The following SSR1 variants were observed in gnomAD, a reference collection of about 807,000 sequenced individuals.
SSR1 encodes the protein signal sequence receptor subunit 1, also known as translocon-associated protein subunit alpha.
In SSR1, 13 loss-of-function variants were observed where a neutral mutation model predicts 36.1. That is an observed-to-expected ratio of 0.36 (90% CI 0.23 to 0.57). SSR1 has a LOEUF of 0.57. Ranked by LOEUF, SSR1 falls within the 20% of genes least tolerant of loss-of-function variation. The pLI is 0.81. For synonymous variants in SSR1, 113 were observed against 118.9 expected (o/e 0.95, Z 0.32); for missense variants, 291 against 338.5 (o/e 0.86, Z 1.10).
At chr6:7,292,732 G>GCC (rs1554132732) in intron 7 of SSR1, among the ~76,000 whole-genome samples, 38 of 151,714 alleles carry the variant, frequency 2.5e-4, no homozygotes, top group Non-Finnish European at 2.9e-5. Context: ...CTTTAAAGTG[G>GCC]CTCTTTGACC....
intron 7 of SSR1, among the ~76,000 whole-genome samples, chr6:7,291,230 C>T (rs1199868581): frequency 6.6e-6 from 1 of 152,016 alleles, no homozygotes; most frequent in Non-Finnish European, 1.5e-5. Context: ...GAAATCCCAT[C>T]TCTACTAAAC....
In SSR1 at chr6:7,288,868, G is replaced by A. The variant is rs1266788473; in HGVS notation, c.*996C>T. On this transcript the variant is annotated 3_prime_UTR_variant, in exon 8 of 8. Transcript: ENST00000244763. ...ACAAGCAAAACTCCCAAAAGATTAG[G>A]TAAGAAAAAATTAGTTAACTGCTTT... 2.0e-5 allele frequency: 3 copies of A among 152,176 alleles called. No homozygotes were observed. The highest frequency in any genetic ancestry group is 4.4e-5 in the Non-Finnish European group (3 of 68,010). The allele number at this position is 152,176 out of a possible 1,614,324, so 9.4% of individuals were successfully genotyped here.
chr6:7,290,248 A>G (rs1021183863), intron 7 of SSR1, among the ~76,000 whole-genome samples: 8 of 152,264 alleles, frequency 5.3e-5, no homozygotes, highest in African/African-American at 1.7e-4. Context: ...TTATACATGC[A>G]TAAGTAAACG....
At chr6:7,294,602 A>G (rs1035983093) in intron 7 of SSR1, among the ~76,000 whole-genome samples, 2 of 152,156 alleles carry the variant, frequency 1.3e-5, no homozygotes, top group African/African-American at 4.8e-5. Flanking sequence ...GAGGCAGGAG[A>G]ATCACTCGAA....
chr6:7,294,312 A>T (rs916624678), intron 7 of SSR1, among the ~76,000 whole-genome samples: 8 of 152,224 alleles, frequency 5.3e-5, no homozygotes, highest in Non-Finnish European at 1.0e-4. Context: ...TGCAATCTGA[A>T]CTAAATACTC....
chr6:7,289,543 G>A lies in SSR1; in HGVS notation c.*321C>T, dbSNP rs1757632203. ...AAAATCAGAAAATGTCAAAAAGGAA[G>A]AGACAACAGCATTATATTTAGTATT... On this transcript the variant is annotated 3_prime_UTR_variant, in exon 8 of 8. Coordinates refer to ENST00000244763, the MANE Select transcript of SSR1 (RefSeq NM_003144.5). The A allele has an allele frequency of 7.1e-6, 2 of 282,776 alleles. No homozygotes were observed. The highest frequency in any genetic ancestry group is 1.3e-5 in the Non-Finnish European group (2 of 153,012). The allele number at this position is 282,776 out of a possible 1,614,324, so 17.5% of individuals were successfully genotyped here. A position where few individuals can be genotyped will look rare whatever the true frequency, so the allele number is the denominator to read the frequency against.
In SSR1 at chr6:7,288,267, G is replaced by A. The variant is rs1002873201; in HGVS notation, c.*1597C>T. ...ACAAAAAACCATGCAGTTACTTAGA[G>A]CTCATAGAGCTTTCTCAAAATCAAC... is the stretch of plus-strand genomic sequence containing the variant. On this transcript the variant is annotated 3_prime_UTR_variant, in exon 8 of 8. Transcript: ENST00000244763. 1.3e-5 allele frequency: 2 copies of A among 152,170 alleles called. No homozygotes were observed. Among genetic ancestry groups the A allele is most frequent in the African/African-American group, 4.8e-5 (2 of 41,448 alleles). The allele number at this position is 152,170 out of a possible 1,614,324, so 9.4% of individuals were successfully genotyped here.
intron 2 of SSR1, among the ~76,000 whole-genome samples, chr6:7,306,699 G>T (rs900038305): frequency 2.6e-5 from 4 of 151,152 alleles, no homozygotes; most frequent in African/African-American, 9.7e-5. Context: ...GGCGGATCAC[G>T]AGGTCAGGAG....
chr6:7,286,028 G>A lies in SSR1; in HGVS notation c.*3836C>T, dbSNP rs942680414. 1 of 152,172 alleles carries A rather than the reference G, an allele frequency of 6.6e-6. No individual in the cohort carries two copies. The highest frequency in any genetic ancestry group is 6.5e-5 in the Admixed American group (1 of 15,274). The allele number at this position is 152,172 out of a possible 1,614,324, so 9.4% of individuals were successfully genotyped here. A position where few individuals can be genotyped will look rare whatever the true frequency, so the allele number is the denominator to read the frequency against. ...TTCCATATTCAATATGGAACCTTGA[G>A]CAAGCTACTTAAATTCAGGTTTTGT... On this transcript the variant is annotated 3_prime_UTR_variant, in exon 8 of 8. Coordinates refer to ENST00000244763, the MANE Select transcript of SSR1 (RefSeq NM_003144.5).
intron 1 of SSR1, 42 bp downstream of exon 1, chr6:7,313,000 C>G: frequency 6.4e-7 from 1 of 1,559,150 alleles, no homozygotes; most frequent in Non-Finnish European, 8.7e-7. Flanking sequence ...TCACTGGCAT[C>G]TCCTTCCTGG....
chr6:7,307,152 G>C (rs1758086655), intron 2 of SSR1, among the ~76,000 whole-genome samples: 1 of 152,112 alleles, frequency 6.6e-6, no homozygotes, highest in Non-Finnish European at 1.5e-5. Context: ...TAAATCTTGG[G>C]AACAGCAGCA....
intron 6 of SSR1, among the ~76,000 whole-genome samples, chr6:7,296,479 A>C (rs2326899): frequency 0.37 from 56,314 of 152,090 alleles, 10,513 homozygotes; most frequent in South Asian, 0.45. Context: ...AATAACATTC[A>C]TTGTTAATTT....
rs1408643592 is a variant in SSR1 at position 7,301,586 on chromosome 6, T to A, written c.281-14A>T. On this transcript the variant is annotated splice_polypyrimidine_tract_variant and intron_variant, in intron 3 of 7. Coordinates refer to ENST00000244763, the MANE Select transcript of SSR1 (RefSeq NM_003144.5). The stretch of plus-strand genomic sequence containing the variant: ...TTGCTGGAAAATCTGAGAAACAAAA[T>A]AGAGACAAAAAAATTAGAACACATG... 3 of 1,594,020 alleles carry A rather than the reference T, an allele frequency of 1.9e-6. No individual in the cohort carries two copies. Among genetic ancestry groups the A allele is most frequent in the African/African-American group, 1.4e-5 (1 of 73,796 alleles).
intron 6 of SSR1, 123 bp downstream of exon 6, chr6:7,297,800 G>C: frequency 1.6e-6 from 1 of 628,888 alleles, no homozygotes; most frequent in Admixed American, 3.0e-5. Context: ...TTTTAAAAAG[G>C]TACAACAAAG....
chr6:7,306,012 G>T (rs115345122), intron 2 of SSR1, among the ~76,000 whole-genome samples: 1 of 152,238 alleles, frequency 6.6e-6, no homozygotes. Flanking sequence ...GAAACTGGTG[G>T]TACTGCTTGC....
intron 7 of SSR1, among the ~76,000 whole-genome samples, chr6:7,292,020 G>A (rs1757695982): frequency 2.0e-5 from 3 of 152,226 alleles, no homozygotes; most frequent in Admixed American, 2.0e-4. Context: ...AGTGAGCCAT[G>A]ATCACGTAAC....
chr6:7,303,136 C>T (rs1201515490), intron 3 of SSR1, among the ~76,000 whole-genome samples: 4 of 25,878 alleles, frequency 1.5e-4, no homozygotes, highest in Admixed American at 5.1e-4. Context: ...GAGACTACAT[C>T]TTAAAAAAAA....
In SSR1 at chr6:7,282,787, C is replaced by G. The variant is rs1009057768; in HGVS notation, c.*7077G>C. Reference sequence around the variant, plus strand: ...CCACAGTGGAGGGACAAAGGGCCAGCAGCTTGTAGGACCAAATGAGAAAAA... The same window carrying G: ...CCACAGTGGAGGGACAAAGGGCCAGGAGCTTGTAGGACCAAATGAGAAAAA... On this transcript the variant is annotated 3_prime_UTR_variant, in exon 8 of 8. Transcript: ENST00000244763. The G allele has an allele frequency of 6.6e-6, 1 of 152,256 alleles. No individual in the cohort carries two copies. The highest frequency in any genetic ancestry group is 1.5e-5 in the Non-Finnish European group (1 of 68,058). The allele number at this position is 152,256 out of a possible 1,614,324, so 9.4% of individuals were successfully genotyped here. A position where few individuals can be genotyped will look rare whatever the true frequency, so the allele number is the denominator to read the frequency against.
In SSR1 at chr6:7,297,979, C is replaced by G. The variant is rs1448965193; in HGVS notation, c.643G>C (p.Ala215Pro). ...ACAATAACCAGAAGCCCAAGACCAG[C>G]AAGGAACATATACATAAAGATTCTG... ...GETIFMYMFL[A>P]GLGLLVIVGL... The change falls in exon 6 of 8, where the codon GCT (alanine) becomes CCT (proline). Residue 215 changes from alanine (A) to proline (P), a missense_variant. Physicochemically the swap from Ala to Pro is conservative, Grantham distance 27 (BLOSUM62 -1). Transcript: ENST00000244763. The G allele has an allele frequency of 6.2e-7, 1 of 1,613,286 alleles. No homozygotes were observed. The highest frequency in any genetic ancestry group is 1.7e-5 in the Admixed American group (1 of 59,982).
Sources: gnomAD v4.1 joint callset for allele counts (sites outside exome capture counted in the v4.1 genomes callset) on GRCh38, gnomAD v4.1.1 for gene constraint, MANE v1.5 for transcripts, NCBI Gene and HGNC (gene_info 2026-07-23, HGNC 2026-07-21) for gene names.